Variants in DPF3 observed in about 807,000 individuals in gnomAD.
DPF3 encodes double PHD fingers 3.
Under a neutral mutation model 56.8 loss-of-function variants are expected in DPF3, and 18 were observed. The ratio of observed to expected loss-of-function variants is 0.32; its 90% CI spans 0.22 to 0.47. The LOEUF (loss-of-function observed/expected upper bound fraction) is 0.47, where lower values mean the gene tolerates loss of function less well. Ranked by LOEUF, DPF3 falls within the 20% of genes least tolerant of loss-of-function variation. The probability of loss-of-function intolerance (pLI) is 1.00; values close to 1 mark genes in which losing one functional copy is unlikely to be tolerated. For synonymous variants in DPF3, 188 were observed against 180.2 expected (o/e 1.04, Z -0.35); for missense variants, 403 against 488.8 (o/e 0.82, Z 1.65).
chr14:72,647,435 C>T (rs1023352436), intron 8 of DPF3, among the ~76,000 whole-genome samples: 24 of 152,176 alleles, frequency 1.6e-4, no homozygotes, highest in Admixed American at 1.6e-3. Context: ...ACCTGTGGGT[C>T]TCCTGCATAA....
chr14:72,865,876 G>A (rs1424972989), intron 1 of DPF3, among the ~76,000 whole-genome samples: 6 of 151,930 alleles, frequency 3.9e-5, no homozygotes, highest in South Asian at 2.1e-4. Context: ...ATGAAACCCC[G>A]TCTCTACTAA....
chr14:72,722,633 G>A (rs1032396532), intron 5 of DPF3, among the ~76,000 whole-genome samples: 9 of 152,222 alleles, frequency 5.9e-5, no homozygotes, highest in Non-Finnish European at 1.3e-4. Context: ...GGAGGGGTAA[G>A]AGTCCCGCCT....
At chr14:72,697,611 A>T (rs1599365943) in intron 6 of DPF3, among the ~76,000 whole-genome samples, 1 of 152,190 alleles carries the variant, frequency 6.6e-6, no homozygotes, top group Non-Finnish European at 1.5e-5. Flanking sequence ...TATCCTGACA[A>T]TGGGGCAGCC....
chr14:72,788,554 T>G (rs1892306699), intron 1 of DPF3, among the ~76,000 whole-genome samples: 1 of 152,172 alleles, frequency 6.6e-6, no homozygotes. Context: ...ATAATTACCT[T>G]GCAGAGGGTT....
chr14:72,676,799 CTT>C (rs1886932842), intron 7 of DPF3, among the ~76,000 whole-genome samples: 1 of 152,222 alleles, frequency 6.6e-6, no homozygotes, highest in Non-Finnish European at 1.5e-5. Context: ...CATTAAATCT[CTT>C]TGTCTTTATA....
chr14:72,609,722 T>C lies in DPF3; in HGVS notation c.*9575A>G, dbSNP rs969503927. ...GGAGGACAGCTAACGGGGTGGGAGG[T>C]GGGAGCTTTTTGTTTGTCTGTTGCT... On this transcript the variant is annotated 3_prime_UTR_variant, in exon 11 of 11. Coordinates refer to ENST00000556509, the MANE Select transcript of DPF3 (RefSeq NM_001280542.3). Among the ~76,000 whole-genome samples, 10 of 151,736 alleles carry C rather than the reference T, an allele frequency of 6.6e-5. No individual in the cohort carries two copies. Among genetic ancestry groups the C allele is most frequent in the Non-Finnish European group, 1.5e-5 (1 of 67,916 alleles).
chr14:72,790,549 A>G (rs1005211691), intron 1 of DPF3, among the ~76,000 whole-genome samples: 2 of 152,134 alleles, frequency 1.3e-5, no homozygotes, highest in Non-Finnish European at 1.5e-5. Flanking sequence ...GTAGGTTAGG[A>G]TTTCACTGTA....
rs75937225 is a variant in DPF3, at chr14:72,621,955, C to G, written c.985-1971G>C. Among the ~76,000 whole-genome samples the G allele has an allele frequency of 2.8e-4, 42 of 152,230 alleles. No homozygotes were observed. In the East Asian group the frequency reaches 8.1e-3, roughly 29 times the overall value. Reference sequence around the variant, plus strand: ...GACATGTTCTACAGATAGGGATGACCTGGAGGCTGTTGAAGAGAGCAGGAG... The same window carrying G: ...GACATGTTCTACAGATAGGGATGACGTGGAGGCTGTTGAAGAGAGCAGGAG... On this transcript the variant is annotated intron_variant, in intron 9 of 10. Coordinates refer to ENST00000556509, the MANE Select transcript of DPF3 (RefSeq NM_001280542.3).
At chr14:72,864,606 T>G (rs1404738514) in intron 1 of DPF3, among the ~76,000 whole-genome samples, 2 of 152,264 alleles carry the variant, frequency 1.3e-5, no homozygotes, top group Non-Finnish European at 2.9e-5. Context: ...AAGCAAAGCT[T>G]GAGCTTTCAG....
At chr14:72,625,158 T>C (rs1229194360) in intron 9 of DPF3, among the ~76,000 whole-genome samples, 1 of 152,192 alleles carries the variant, frequency 6.6e-6, no homozygotes, top group Non-Finnish European at 1.5e-5. Flanking sequence ...AATTGACAGT[T>C]CGTCCTTATA....
chr14:72,716,541 C>T (rs895559694), intron 5 of DPF3, among the ~76,000 whole-genome samples: 41 of 152,248 alleles, frequency 2.7e-4, no homozygotes, highest in African/African-American at 9.9e-4. Context: ...CCCATTTCAT[C>T]ATGGCACTGA....
intron 1 of DPF3, among the ~76,000 whole-genome samples, chr14:72,889,958 G>T (rs1313224786): frequency 6.6e-6 from 1 of 152,084 alleles, no homozygotes; most frequent in East Asian, 1.9e-4. Flanking sequence ...ATTACTTAAG[G>T]TAAAGCCCTG....
At chr14:72,756,697 A>G (rs1461916003) in intron 2 of DPF3, among the ~76,000 whole-genome samples, 1 of 151,782 alleles carries the variant, frequency 6.6e-6, no homozygotes, top group Non-Finnish European at 1.5e-5. Context: ...CTGTAATCTC[A>G]GCTATTCGGG....
At chr14:72,846,116 T>C (rs1018618605) in intron 1 of DPF3, among the ~76,000 whole-genome samples, 1 of 144,600 alleles carries the variant, frequency 6.9e-6, no homozygotes, top group African/African-American at 2.8e-5. Context: ...TATTTTATTT[T>C]ATTTTATTTT....
chr14:72,817,038 C>A lies in DPF3; in HGVS notation c.33-45145G>T, dbSNP rs115538461. ...CATTTTCATTCCTCATCCCTCCGGT[C>A]TCTCCTCAGTCAGAGCCAACCTACA... On this transcript the variant is annotated intron_variant, in intron 1 of 10. Transcript: ENST00000556509. Among the ~76,000 whole-genome samples the A allele has an allele frequency of 9.1e-3, 1,385 of 152,280 alleles. 17 individuals carry two copies. The highest frequency in any genetic ancestry group is 0.032 in the African/African-American group (1,326 of 41,558).
chr14:72,776,024 G>A (rs1891730974), intron 1 of DPF3, among the ~76,000 whole-genome samples: 1 of 151,896 alleles, frequency 6.6e-6, no homozygotes, highest in South Asian at 2.1e-4. Context: ...TGGGATCCCA[G>A]GAGTGACATT....
Position 72,845,612 on chromosome 14 carries a change from A to C in DPF3, c.32+48445T>G, listed in dbSNP as rs1201966863. Among the ~76,000 whole-genome samples, 3 of 152,196 alleles carry C rather than the reference A, an allele frequency of 2.0e-5. No homozygotes were observed. In the East Asian group the frequency reaches 5.8e-4, roughly 29 times the overall value. Reference sequence around the variant, plus strand: ...GGTGCCCATTGCAACATGGCACCCAATGCCACTTTCCAGAGTAGTGTGACG... The same window carrying C: ...GGTGCCCATTGCAACATGGCACCCACTGCCACTTTCCAGAGTAGTGTGACG... On this transcript the variant is annotated intron_variant, in intron 1 of 10. Transcript: ENST00000556509.
rs767279836 is a variant in DPF3 at position 72,893,004 on chromosome 14, G to GC, written c.32+1052_32+1053insG. Among the ~76,000 whole-genome samples, 41 of 126,384 alleles carry GC rather than the reference G, an allele frequency of 3.2e-4. 2 individuals are homozygous for GC. The highest frequency in any genetic ancestry group is 7.6e-4 in the African/African-American group (25 of 32,730). The allele number at this position is 126,384 out of a possible 152,430, so 82.9% of individuals were successfully genotyped here. A position where few individuals can be genotyped will look rare whatever the true frequency, so the allele number is the denominator to read the frequency against. ...GGAAGGAAGGAAGGAAGGAAGGAAG[G>GC]AAGGAAGGAAGGAAGGAAGGATGAA... On this transcript the variant is annotated intron_variant, in intron 1 of 10. Coordinates refer to ENST00000556509, the MANE Select transcript of DPF3 (RefSeq NM_001280542.3).
At chr14:72,790,150 G>GC (rs1892370154) in intron 1 of DPF3, among the ~76,000 whole-genome samples, 1 of 152,136 alleles carries the variant, frequency 6.6e-6, no homozygotes, top group African/African-American at 2.4e-5. Context: ...ACTTTGGGAG[G>GC]CCGAGATGGG....
Sources: gnomAD v4.1 joint callset for allele counts (sites outside exome capture counted in the v4.1 genomes callset) on GRCh38, gnomAD v4.1.1 for gene constraint, MANE v1.5 for transcripts, NCBI Gene and HGNC (gene_info 2026-07-23, HGNC 2026-07-21) for gene names.